Variants in STK24 observed in about 807,000 individuals in gnomAD.
STK24 encodes the protein serine/threonine kinase 24.
STK24 carries 21 observed loss-of-function variants against 55.6 expected under a neutral mutation model. The observed-to-expected ratio is 0.38, with a 90% CI of 0.27 to 0.54. STK24 has a LOEUF of 0.54. Among genes scored for constraint, STK24 ranks in the 20% least tolerant of loss-of-function variants. The pLI, the probability that STK24 is intolerant of heterozygous loss-of-function variation, is 0.79. For missense variants in STK24, 383 were observed against 538.4 expected, an observed-to-expected ratio of 0.71 and a Z score of 2.86; for synonymous variants, 200 against 215.2, an observed-to-expected ratio of 0.93 and a Z score of 0.62.
intron 2 of STK24, among the ~76,000 whole-genome samples, chr13:98,492,583 C>T (rs183618913): frequency 3.3e-5 from 5 of 152,202 alleles, no homozygotes; most frequent in African/African-American, 4.8e-5. Context: ...GAGGCTTGAG[C>T]TGGGAAAGCA....
At chr13:98,540,181 G>A (rs1896849402) in intron 1 of STK24, among the ~76,000 whole-genome samples, 1 of 152,188 alleles carries the variant, frequency 6.6e-6, no homozygotes, top group Non-Finnish European at 1.5e-5. Flanking sequence ...GAGCTACAAA[G>A]TAGATGCAGA....
chr13:98,464,366 C>A (rs1284674190), intron 6 of STK24, among the ~76,000 whole-genome samples: 1 of 151,632 alleles, frequency 6.6e-6, no homozygotes, highest in Non-Finnish European at 1.5e-5. Flanking sequence ...TTGCAGGGAG[C>A]CGAGATCGCG....
Position 98,575,367 on chromosome 13 carries a change from C to T in STK24, c.42+1378G>A, listed in dbSNP as rs142519361. Among the ~76,000 whole-genome samples the T allele has an allele frequency of 2.8e-3, 429 of 151,622 alleles. 3 individuals carry two copies. The highest frequency in any genetic ancestry group is 9.9e-3 in the African/African-American group (408 of 41,296). On this transcript the variant is annotated intron_variant, in intron 1 of 10. Transcript: ENST00000539966. ...TGCTTAAATGTATATTTATTTACTG[C>T]TTAAACATATATACACACATATATA...
chr13:98,576,724 C>T (rs1594683950), intron 1 of STK24, 21 bp downstream of exon 1: 1 of 1,460,474 alleles, frequency 6.8e-7, no homozygotes, highest in Non-Finnish European at 9.0e-7. Flanking sequence ...CATCCCGGCC[C>T]CGCGGCCCGC....
chr13:98,482,622 C>A (rs1019926831), intron 2 of STK24, among the ~76,000 whole-genome samples: 3 of 152,150 alleles, frequency 2.0e-5, no homozygotes, highest in Admixed American at 2.0e-4. Flanking sequence ...CTGGGTGTTT[C>A]CATTTTTAGG....
At chr13:98,561,401 G>A (rs547249409) in intron 1 of STK24, among the ~76,000 whole-genome samples, 19 of 151,946 alleles carry the variant, frequency 1.3e-4, no homozygotes, top group Non-Finnish European at 1.8e-4. Flanking sequence ...TGGCCAACAC[G>A]GTGAAACTCC....
At chr13:98,571,302 G>GCTCTACGCATC (rs1897732567) in intron 1 of STK24, among the ~76,000 whole-genome samples, 2 of 152,140 alleles carry the variant, frequency 1.3e-5, no homozygotes, top group South Asian at 4.1e-4. Context: ...AGGCAGCTCA[G>GCTCTACGCATC]CTCTACGCAT....
chr13:98,554,011 G>C (rs958660965), intron 1 of STK24, among the ~76,000 whole-genome samples: 1 of 150,314 alleles, frequency 6.7e-6, no homozygotes, highest in African/African-American at 2.5e-5. Flanking sequence ...GCAGTGAGCC[G>C]AGATCACGCC....
chr13:98,566,649 C>A (rs1202231607), intron 1 of STK24, among the ~76,000 whole-genome samples: 1 of 152,186 alleles, frequency 6.6e-6, no homozygotes, highest in Non-Finnish European at 1.5e-5. Flanking sequence ...GCAACAAATT[C>A]CAAAGATGTT....
intron 1 of STK24, among the ~76,000 whole-genome samples, chr13:98,540,282 T>TA (rs1226633839): frequency 1.3e-5 from 2 of 152,270 alleles, no homozygotes; most frequent in East Asian, 3.8e-4. Flanking sequence ...TGATTGATGC[T>TA]AGCTGCACCA....
intron 2 of STK24, among the ~76,000 whole-genome samples, chr13:98,501,372 G>A (rs551342629): frequency 8.5e-5 from 13 of 152,328 alleles, no homozygotes; most frequent in Admixed American, 8.5e-4. Context: ...GGGTGGGGCG[G>A]GGGCCAGGAG....
chr13:98,459,847 A>G (rs1352856859), intron 9 of STK24, among the ~76,000 whole-genome samples: 2 of 152,112 alleles, frequency 1.3e-5, no homozygotes, highest in Non-Finnish European at 2.9e-5. Context: ...ACTTTTGAAA[A>G]TCTCTCAAAA....
chr13:98,550,090 T>C (rs543521348), intron 1 of STK24, among the ~76,000 whole-genome samples: 3 of 152,324 alleles, frequency 2.0e-5, no homozygotes, highest in Admixed American at 2.0e-4. Context: ...GTGGCTAGGG[T>C]TGTAACACTG....
intron 5 of STK24, among the ~76,000 whole-genome samples, chr13:98,467,700 C>T (rs1015864306): frequency 6.6e-6 from 1 of 152,114 alleles, no homozygotes; most frequent in African/African-American, 2.4e-5. Context: ...CCAGCTGCCC[C>T]ACCTCCTTCT....
chr13:98,509,404 A>G (rs1286149671), intron 2 of STK24, among the ~76,000 whole-genome samples: 1 of 152,144 alleles, frequency 6.6e-6, no homozygotes, highest in Non-Finnish European at 1.5e-5. Context: ...AATTTTAAAA[A>G]AACAAACAAG....
At chr13:98,463,663 T>G (rs367967739) in intron 7 of STK24, 28 bp downstream of exon 7, 3 of 1,608,676 alleles carry the variant, frequency 1.9e-6, no homozygotes, top group East Asian at 4.5e-5. Flanking sequence ...CCCACACACA[T>G]GCTTGGGTCA....
At chr13:98,562,428 C>T (rs1566406514) in intron 1 of STK24, among the ~76,000 whole-genome samples, 2 of 152,104 alleles carry the variant, frequency 1.3e-5, no homozygotes, top group African/African-American at 4.8e-5. Context: ...CTGCTGGTTT[C>T]CAAAGGCCCT....
intron 1 of STK24, 150 bp downstream of exon 1, chr13:98,576,595 C>A: frequency 5.4e-6 from 3 of 554,492 alleles, no homozygotes; most frequent in Non-Finnish European, 8.3e-6. Context: ...GGGACTCGGA[C>A]TCGGACCCCC....
At chr13:98,528,867 T>C (rs1413759788) in intron 1 of STK24, among the ~76,000 whole-genome samples, 3 of 152,124 alleles carry the variant, frequency 2.0e-5, no homozygotes. Context: ...CTCACACCAC[T>C]ATCCCTACTG....
Sources: allele counts gnomAD v4.1 joint callset (sites outside exome capture counted in the v4.1 genomes callset), GRCh38; gene constraint gnomAD v4.1.1; transcripts MANE v1.5; gene names NCBI Gene and HGNC (gene_info 2026-07-23, HGNC 2026-07-21).